The following KATNAL2 variants were observed in gnomAD, a reference collection of about 807,000 sequenced individuals.
KATNAL2 encodes katanin p60 ATPase-containing subunit A-like 2.
KATNAL2 carries 52 observed loss-of-function variants against 76.3 expected under a neutral mutation model. The ratio of observed to expected loss-of-function variants is 0.68; its 90% CI spans 0.55 to 0.86. The LOEUF (loss-of-function observed/expected upper bound fraction) is 0.86, where lower values mean the gene tolerates loss of function less well. Ranked by LOEUF, KATNAL2 falls within the 40% of genes least tolerant of loss-of-function variation. The pLI, the probability that KATNAL2 is intolerant of heterozygous loss-of-function variation, is 0.00. For missense variants in KATNAL2, 660 were observed against 668.9 expected, an observed-to-expected ratio of 0.99 and a Z score of 0.15; for synonymous variants, 243 against 244.2, an observed-to-expected ratio of 1.00 and a Z score of 0.05.
intron 1 of KATNAL2, among the ~76,000 whole-genome samples, chr18:46,923,066 A>G (rs547731295): frequency 1.8e-4 from 26 of 146,758 alleles, no homozygotes; most frequent in African/African-American, 6.2e-4. Context: ...TTTTTTTTTA[A>G]TTTTATTATT....
Position 47,079,204 on chromosome 18 carries a change from C to CT in KATNAL2, c.1211+1750dup, listed in dbSNP as rs377091929. ...TGTACATGTTGAAGAAAAATAAGGA[C>CT]TTTTTTTACATTACTACAAAGTCAT... On this transcript the variant is annotated intron_variant, in intron 15 of 17. Transcript: ENST00000683218. 2.2e-3 allele frequency among the ~76,000 whole-genome samples: 335 copies of CT among 152,192 alleles called. 2 individuals are homozygous for CT. The highest frequency in any genetic ancestry group is 7.2e-3 in the African/African-American group (300 of 41,528).
chr18:47,089,032 C>T (rs1165470242), intron 15 of KATNAL2, among the ~76,000 whole-genome samples: 1 of 152,202 alleles, frequency 6.6e-6, no homozygotes. Context: ...CACCCTTCAG[C>T]AATACTGAGT....
rs763619071 is a variant in KATNAL2, at chr18:47,046,534, T to TA, written c.122+8dup. 5 of 1,519,458 alleles carry TA rather than the reference T, an allele frequency of 3.3e-6. No homozygotes were observed. In the South Asian group the frequency reaches 6.0e-5, roughly 18 times the overall value. 94.1% of individuals were successfully genotyped at this position (1,519,458 alleles called of 1,614,324 possible). On this transcript the variant is annotated splice_region_variant and intron_variant, in intron 4 of 17. Transcript: ENST00000683218. ...ATTATTTAACACAAGAAGGGTATGTTACAGTACAAACATTTATAGAGATGA... is the reference window on the plus strand; with the variant it reads ...ATTATTTAACACAAGAAGGGTATGTTAACAGTACAAACATTTATAGAGATGA...
intron 3 of KATNAL2, chr18:47,033,634 A>G (rs1456144755): frequency 6.2e-7 from 1 of 1,614,026 alleles, no homozygotes; most frequent in African/African-American, 1.3e-5. Flanking sequence ...CACGTCGCTG[A>G]GGGCGTCCGG....
chr18:46,965,133 C>A (rs1443563546), intron 3 of KATNAL2, among the ~76,000 whole-genome samples: 2 of 110,396 alleles, frequency 1.8e-5, no homozygotes, highest in Non-Finnish European at 4.1e-5. Flanking sequence ...AGGAAACAGG[C>A]GTATTTTACT....
chr18:47,078,072 G>T (rs1810254416), intron 15 of KATNAL2, among the ~76,000 whole-genome samples: 1 of 152,144 alleles, frequency 6.6e-6, no homozygotes, highest in Admixed American at 6.5e-5. Context: ...ATAGTTCTGA[G>T]AATGTTTTCA....
At position 47,090,091 on chromosome 18, in the gene KATNAL2, C is replaced by T. The variant is rs138947317; in HGVS notation, c.1212-9152C>T. Among the ~76,000 whole-genome samples, 452 of 152,072 alleles carry T rather than the reference C, an allele frequency of 3.0e-3. 7 individuals carry two copies. Among genetic ancestry groups the T allele is most frequent in the East Asian group, 0.026 (133 of 5,154 alleles). On this transcript the variant is annotated intron_variant, in intron 15 of 17. Transcript: ENST00000683218. The stretch of plus-strand genomic sequence containing the variant: ...GGGATTACAGGCGTAAGCCACCATG[C>T]CCAGCTGAACTAGTATTTCTTCTTT...
rs1317263836 is a variant in KATNAL2, at chr18:47,058,322, C to T, written c.420C>T (p.Thr140=). Reference sequence around the variant, plus strand: ...CCACAGCGGGGAAGACAGGGGACACCAAATCGCTCAATAAGGAGCATCCTA... The same window carrying T: ...CCACAGCGGGGAAGACAGGGGACACTAAATCGCTCAATAAGGAGCATCCTA... ...SKTTAGKTGD[T]KSLNKEHPNQ... Residue 140 remains threonine, a synonymous_variant, in exon 7 of 18, where the codon ACC becomes ACT. Transcript: ENST00000683218. 18 of 1,613,148 alleles carry T rather than the reference C, an allele frequency of 1.1e-5. No homozygotes were observed. Among genetic ancestry groups the T allele is most frequent in the Non-Finnish European group, 1.5e-5 (18 of 1,179,280 alleles).
intron 3 of KATNAL2, among the ~76,000 whole-genome samples, chr18:46,960,461 G>C (rs1238220310): frequency 6.6e-6 from 1 of 151,472 alleles, no homozygotes. Context: ...GTTTTGCTAA[G>C]ATGAAGCGAT....
chr18:47,039,924 T>C (rs1384226836), intron 3 of KATNAL2, among the ~76,000 whole-genome samples: 1 of 152,234 alleles, frequency 6.6e-6, no homozygotes, highest in Non-Finnish European at 1.5e-5. Flanking sequence ...TATGGAGGGA[T>C]ATGGACATTG....
At chr18:47,096,486 C>T (rs940540848) in intron 15 of KATNAL2, among the ~76,000 whole-genome samples, 28 of 152,134 alleles carry the variant, frequency 1.8e-4, no homozygotes, top group South Asian at 2.1e-4. Flanking sequence ...AGACTACAGG[C>T]GTGCATCACC....
At chr18:47,062,206 C>T (rs1474539201) in intron 8 of KATNAL2, among the ~76,000 whole-genome samples, 1 of 151,964 alleles carries the variant, frequency 6.6e-6, no homozygotes, top group Non-Finnish European at 1.5e-5. Context: ...CATAAAGAGA[C>T]CCCACTTCTG....
chr18:46,941,948 C>T (rs1013928788), intron 1 of KATNAL2, among the ~76,000 whole-genome samples: 4 of 152,096 alleles, frequency 2.6e-5, no homozygotes, highest in East Asian at 1.9e-4. Context: ...GTTGCTGTGT[C>T]GTTTCCTACC....
chr18:47,091,405 A>T (rs553135010), intron 15 of KATNAL2: 3 of 152,316 alleles, frequency 2.0e-5, no homozygotes. Context: ...CAGAAAAACA[A>T]AAGAAAGGAG....
At position 47,060,577 on chromosome 18, in the gene KATNAL2, A is replaced by G. The variant is rs535856637; in HGVS notation, c.549+923A>G. 2.6e-5 allele frequency among the ~76,000 whole-genome samples: 4 copies of G among 152,296 alleles called. No individual in the cohort carries two copies. The East Asian group carries it at 7.7e-4, about 29-fold the overall frequency. ...GTAATTTGGAAATGAATTGCACCATATTGCTCTTGGTCATACTCTCCAAGG... is the reference window on the plus strand; with the variant it reads ...GTAATTTGGAAATGAATTGCACCATGTTGCTCTTGGTCATACTCTCCAAGG... On this transcript the variant is annotated intron_variant, in intron 8 of 17. Coordinates refer to ENST00000683218, the MANE Select transcript of KATNAL2 (RefSeq NM_001387690.1).
chr18:47,084,340 T>C, intron 15 of KATNAL2: 1 of 702,950 alleles, frequency 1.4e-6, no homozygotes, highest in South Asian at 1.5e-5. Context: ...AGTAACCACA[T>C]GCATTTTTGG....
At chr18:47,064,775 G>A (rs1395042094) in intron 10 of KATNAL2, among the ~76,000 whole-genome samples, 1 of 152,078 alleles carries the variant, frequency 6.6e-6, no homozygotes, top group East Asian at 1.9e-4. Context: ...TAGCATAGGA[G>A]GTAGAAACCC....
chr18:46,936,764 C>T (rs898974009), intron 1 of KATNAL2, among the ~76,000 whole-genome samples: 6 of 152,102 alleles, frequency 3.9e-5, no homozygotes, highest in African/African-American at 1.2e-4. Flanking sequence ...CCAGCCTGGC[C>T]AACATGGCGA....
In KATNAL2 at chr18:47,099,423, G is replaced by A. The variant is rs1308651995; in HGVS notation, c.1374+18G>A. 1 of 1,597,318 alleles carries A rather than the reference G, an allele frequency of 6.3e-7. No individual in the cohort carries two copies. Among genetic ancestry groups the A allele is most frequent in the African/African-American group, 1.3e-5 (1 of 74,556 alleles). ...TGAGCCAGGTCAGCTGCCCTGGAGAGGGGCACATGTAGGTCAAGGGCCCAC... is the reference window on the plus strand; with the variant it reads ...TGAGCCAGGTCAGCTGCCCTGGAGAAGGGCACATGTAGGTCAAGGGCCCAC... On this transcript the variant is annotated intron_variant, in intron 16 of 17. Transcript: ENST00000683218.
Sources: allele counts gnomAD v4.1 joint callset (sites outside exome capture counted in the v4.1 genomes callset), GRCh38; gene constraint gnomAD v4.1.1; transcripts MANE v1.5; gene names NCBI Gene and HGNC (gene_info 2026-07-23, HGNC 2026-07-21).